Variants in TTBK1 observed in about 807,000 individuals in gnomAD.
TTBK1 encodes the protein tau-tubulin kinase 1.
Under a neutral mutation model 108.5 loss-of-function variants are expected in TTBK1, and 34 were observed. The ratio of observed to expected loss-of-function variants is 0.31; its 90% CI spans 0.24 to 0.42. TTBK1 has a LOEUF of 0.42. TTBK1 is among the 10% of genes least tolerant of loss of function. TTBK1 has a pLI of 1.00. For synonymous variants in TTBK1, 809 were observed against 795.1 expected, an observed-to-expected ratio of 1.02 and a Z score of -0.29; for missense variants, 1,539 against 1,826.0, an observed-to-expected ratio of 0.84 and a Z score of 2.86.
In TTBK1 at chr6:43,284,259, C is replaced by A; in HGVS notation, c.3519C>A (p.Pro1173=). 1.3e-6 allele frequency: 2 copies of A among 1,593,574 alleles called. No individual in the cohort carries two copies. Among genetic ancestry groups the A allele is most frequent in the Non-Finnish European group, 1.7e-6 (2 of 1,175,988 alleles). ...CCATGCCTGTTGCAGCCCAGCAGCC[C>A]GCCAGCAGATCCCATGGCGCGGCCC... ...RMPMPVAAQQ[P]ASRSHGAAPA... is the part of the protein sequence containing the mutation. Residue 1173 remains proline (P), a synonymous_variant, in exon 14 of 15, where the codon CCC becomes CCA. Transcript: ENST00000259750.
Position 43,263,241 on chromosome 6 carries a change from G to T in TTBK1, c.1877G>T (p.Arg626Leu). ...LPPQLSQGDGRSETSQPPTPG... is the reference protein window; with the variant it reads ...LPPQLSQGDGLSETSQPPTPG... ...CCCCAGCTGAGCCAGGGCGATGGCC[G>T]TTCCGAGACGTCACAGCCCCCCACG... is the stretch of plus-strand genomic sequence containing the variant. Residue 626 changes from arginine to leucine, a missense_variant, in exon 13 of 15, where the codon CGT (arginine) becomes CTT (leucine). This residue lies in a region of TTBK1 where 1,055 missense variants were observed against 1,086.5 expected (regional missense o/e 0.97). Coordinates refer to ENST00000259750, the MANE Select transcript of TTBK1 (RefSeq NM_032538.3). The surrounding 1 kb of genome is among the most constrained non-coding windows in gnomAD (Gnocchi z 4.7). The T allele has an allele frequency of 6.4e-7, 1 of 1,562,628 alleles. No homozygotes were observed.
intron 12 of TTBK1, among the ~76,000 whole-genome samples, chr6:43,262,051 C>G (rs1427103587): frequency 6.6e-6 from 1 of 152,074 alleles, no homozygotes; most frequent in Non-Finnish European, 1.5e-5. Flanking sequence ...CTGTATCAGA[C>G]AGCAAAGGGT....
chr6:43,254,662 T>C lies in TTBK1; in HGVS notation c.576+11T>C. On this transcript the variant is annotated intron_variant, in intron 6 of 14. Coordinates refer to ENST00000259750, the MANE Select transcript of TTBK1 (RefSeq NM_032538.3). ...GGGGATGTGCGGCCCGTGAGTACCG[T>C]CGGGGCGGGGAGGACAGTGGAGGAC... The C allele has an allele frequency of 6.4e-7, 1 of 1,552,256 alleles. No individual in the cohort carries two copies. The highest frequency in any genetic ancestry group is 8.7e-7 in the Non-Finnish European group (1 of 1,152,208).
chr6:43,269,975 G>A lies in TTBK1; in HGVS notation c.1986+6625G>A. The A allele has an allele frequency of 7.0e-7, 1 of 1,431,966 alleles. No homozygotes were observed. Among genetic ancestry groups the A allele is most frequent in the South Asian group, 1.5e-5 (1 of 67,664 alleles). The allele number at this position is 1,431,966 out of a possible 1,614,324, so 88.7% of individuals were successfully genotyped here. On this transcript the variant is annotated intron_variant, in intron 13 of 14. Coordinates refer to ENST00000259750, the MANE Select transcript of TTBK1 (RefSeq NM_032538.3). This position sits in a 1 kb window ranked among gnomAD's most constrained non-coding sequence, Gnocchi z 4.8. ...AGGCTGGGCCCCCCCCCTCCTGGAG[G>A]GGGCAGGTGGGGGGGGGTGGGGAGC...
chr6:43,266,950 C>T (rs1777693059), intron 13 of TTBK1, among the ~76,000 whole-genome samples: 2 of 147,188 alleles, frequency 1.4e-5, no homozygotes, highest in Non-Finnish European at 3.0e-5. Flanking sequence ...ACATACAGGC[C>T]AGAGAGAGCA....
In TTBK1 at chr6:43,282,993, AGAAGAGGAGGAAGAG is replaced by A. The variant is rs747761682; in HGVS notation, c.2265_2279del (p.Glu767_Glu771del). 2.6e-5 allele frequency: 42 copies of A among 1,602,468 alleles called. 2 individuals carry two copies. The South Asian group carries it at 4.7e-4, about 18-fold the overall frequency. The stretch of plus-strand genomic sequence containing the variant: ...AAGAGGAAGAAGAGGATGAGGAAGA[AGAAGAGGAGGAAGAG>A]GAAGAGGAGGAGGAAGAAGAGGAGG... On this transcript the variant is annotated inframe_deletion, in exon 14 of 15. Coordinates refer to ENST00000259750, the MANE Select transcript of TTBK1 (RefSeq NM_032538.3). This position sits in a 1 kb window ranked among gnomAD's most constrained non-coding sequence, Gnocchi z 5.4.
At chr6:43,255,188 A>AGGGGGGGGGGGGGGGG in intron 7 of TTBK1, 74 bp downstream of exon 7, 1 of 246,826 alleles carries the variant, frequency 4.1e-6, no homozygotes. Context: ...GCTGCTGGGG[A>AGGGGGGGGGGGGGGGG]GGGGTGGGGA....
In TTBK1 at chr6:43,282,246, G is replaced by A. The variant is rs140045826; in HGVS notation, c.1987-481G>A. Among the ~76,000 whole-genome samples the A allele has an allele frequency of 2.2e-3, 336 of 152,310 alleles. 1 individual carries two copies. Among genetic ancestry groups the A allele is most frequent in the African/African-American group, 7.7e-3 (319 of 41,556 alleles). The stretch of plus-strand genomic sequence containing the variant: ...ACTGAGGGCATCTAGGAGCCAGCCC[G>A]GCACAGCCCATCCAGGAAGTGGCAC... On this transcript the variant is annotated intron_variant, in intron 13 of 14. Transcript: ENST00000259750. This position sits in a 1 kb window ranked among gnomAD's most constrained non-coding sequence, Gnocchi z 5.4.
Position 43,255,783 on chromosome 6 carries a change from A to G in TTBK1, c.788A>G (p.His263Arg). Residue 263 changes from histidine to arginine, a missense_variant, in exon 9 of 15, where the codon CAC becomes CGC. His to Arg is a conservative substitution (Grantham distance 29). Transcript: ENST00000259750. ...TATGAGCACCGGATGCTGCTGAAGC[A>G]CATGCCGTCAGAGTTCCACCTCTTC... is the stretch of plus-strand genomic sequence containing the variant. The part of the protein sequence containing the change: ...EKYEHRMLLK[H>R]MPSEFHLFLD... 6.2e-7 allele frequency: 1 copy of G among 1,614,142 alleles called. No individual in the cohort carries two copies. The highest frequency in any genetic ancestry group is 8.5e-7 in the Non-Finnish European group (1 of 1,180,018).
In TTBK1 at chr6:43,273,243, G is replaced by A. The variant is rs895491546; in HGVS notation, c.1987-9484G>A. Reference sequence around the variant, plus strand: ...TGTGAAACATCTTGGTCTATGTATTGGTTGATTGATTGTCCTTTGCGGTGG... The same window carrying A: ...TGTGAAACATCTTGGTCTATGTATTAGTTGATTGATTGTCCTTTGCGGTGG... On this transcript the variant is annotated intron_variant, in intron 13 of 14. Transcript: ENST00000259750. This position sits in a 1 kb window ranked among gnomAD's most constrained non-coding sequence, Gnocchi z 4.2. Among the ~76,000 whole-genome samples, 1 of 152,184 alleles carries A rather than the reference G, an allele frequency of 6.6e-6. No individual in the cohort carries two copies. The highest frequency in any genetic ancestry group is 1.5e-5 in the Non-Finnish European group (1 of 68,032).
chr6:43,245,889 G>A (rs1777072633), intron 1 of TTBK1, among the ~76,000 whole-genome samples: 1 of 152,034 alleles, frequency 6.6e-6, no homozygotes, highest in Admixed American at 6.5e-5. Flanking sequence ...TGTCCCTCTG[G>A]AGTGGCCACA....
intron 13 of TTBK1, chr6:43,272,123 C>G (rs1482395109): frequency 1.0e-6 from 1 of 985,370 alleles, no homozygotes; most frequent in Non-Finnish European, 1.2e-6. Flanking sequence ...CCCATCCACC[C>G]CAGGTAGTGG....
At chr6:43,254,680 TGGA>T in intron 6 of TTBK1, 29 bp downstream of exon 6, 1 of 1,507,754 alleles carries the variant, frequency 6.6e-7, no homozygotes, top group Non-Finnish European at 8.9e-7. Flanking sequence ...GGGAGGACAG[TGGA>T]GGACTCCCCC....
At position 43,253,676 on chromosome 6, in the gene TTBK1, T is replaced by G; in HGVS notation, c.439T>G (p.Ser147Ala). Residue 147 changes from serine (S) to alanine (A), a missense_variant, in exon 5 of 15, where the codon TCT becomes GCT. Physicochemically the swap from Ser to Ala is moderately conservative, Grantham distance 99. Coordinates refer to ENST00000259750, the MANE Select transcript of TTBK1 (RefSeq NM_032538.3). The surrounding 1 kb of genome is among the most constrained non-coding windows in gnomAD (Gnocchi z 5.8). Reference protein sequence around the residue: ...QILESIEAIHSVGFLHRDIKP... With the variant: ...QILESIEAIHAVGFLHRDIKP... ...CTTGGAGTCCATCGAGGCCATCCAC[T>G]CTGTGGGCTTCCTGCACCGTGACAT... 6.2e-7 allele frequency: 1 copy of G among 1,613,482 alleles called. No individual in the cohort carries two copies. Among genetic ancestry groups the G allele is most frequent in the Non-Finnish European group, 8.5e-7 (1 of 1,179,788 alleles).
At chr6:43,275,322 C>G (rs1777944273) in intron 13 of TTBK1, among the ~76,000 whole-genome samples, 1 of 152,022 alleles carries the variant, frequency 6.6e-6, no homozygotes, top group South Asian at 2.1e-4. Context: ...CCGCCCCACC[C>G]CGCCGCCGAG....
chr6:43,269,698 G>C lies in TTBK1; in HGVS notation c.1986+6348G>C. The C allele has an allele frequency of 6.2e-7, 1 of 1,610,912 alleles. No homozygotes were observed. The highest frequency in any genetic ancestry group is 8.5e-7 in the Non-Finnish European group (1 of 1,179,628). On this transcript the variant is annotated intron_variant, in intron 13 of 14. Coordinates refer to ENST00000259750, the MANE Select transcript of TTBK1 (RefSeq NM_032538.3). The surrounding 1 kb of genome is among the most constrained non-coding windows in gnomAD (Gnocchi z 4.8). The stretch of plus-strand genomic sequence containing the variant: ...CTCCCGCGGTACAGCCCCCTGCGAC[G>C]ACTGGCGTCCTCCGTGTTCTCCTCC...
Position 43,285,143 on chromosome 6 carries a change from G to T in TTBK1, c.3733G>T (p.Ala1245Ser). ...CGCGTCCACATCCGCCGCGCGCAATGCCAGCGCGTCCCCCCGGAGCCAGTC... is the reference window on the plus strand; with the variant it reads ...CGCGTCCACATCCGCCGCGCGCAATTCCAGCGCGTCCCCCCGGAGCCAGTC... ...LPASTSAARN[A>S]SASPRSQSLS... The change falls in exon 15 of 15, where the codon GCC (alanine) becomes TCC (serine). Residue 1245 changes from alanine to serine, a missense_variant. Coordinates refer to ENST00000259750, the MANE Select transcript of TTBK1 (RefSeq NM_032538.3). This position sits in a 1 kb window ranked among gnomAD's most constrained non-coding sequence, Gnocchi z 4.7. 1 of 1,435,010 alleles carries T rather than the reference G, an allele frequency of 7.0e-7. No individual in the cohort carries two copies. Among genetic ancestry groups the T allele is most frequent in the Non-Finnish European group, 9.1e-7 (1 of 1,101,984 alleles). The allele number at this position is 1,435,010 out of a possible 1,614,324, so 88.9% of individuals were successfully genotyped here.
At position 43,282,988 on chromosome 6, in the gene TTBK1, G is replaced by A; in HGVS notation, c.2248G>A (p.Glu750Lys). 1 of 1,049,948 alleles carries A rather than the reference G, an allele frequency of 9.5e-7. No homozygotes were observed. The highest frequency in any genetic ancestry group is 1.3e-6 in the Non-Finnish European group (1 of 773,984). 65.0% of individuals were successfully genotyped at this position (1,049,948 alleles called of 1,614,324 possible). The change falls in exon 14 of 15, where the codon GAA (glutamate) becomes AAA (lysine). Residue 750 changes from glutamate (E) to lysine (K), a missense_variant. By Grantham distance (56) the Glu-to-Lys change is moderately conservative. Coordinates refer to ENST00000259750, the MANE Select transcript of TTBK1 (RefSeq NM_032538.3). This position sits in a 1 kb window ranked among gnomAD's most constrained non-coding sequence, Gnocchi z 5.4. ...EDEEEEEEDE[E>K]EEEEEEEEEE... ...TGAGGAAGAGGAAGAAGAGGATGAG[G>A]AAGAAGAAGAGGAGGAAGAGGAAGA...
At position 43,282,613 on chromosome 6, in the gene TTBK1, A is replaced by T. The variant is rs1174451842; in HGVS notation, c.1987-114A>T. The T allele has an allele frequency of 2.1e-5, 18 of 845,722 alleles. No individual in the cohort carries two copies. Among genetic ancestry groups the T allele is most frequent in the African/African-American group, 8.5e-5 (5 of 58,728 alleles). The allele number at this position is 845,722 out of a possible 1,614,324, so 52.4% of individuals were successfully genotyped here. ...CTGTGCTTAACTTTATGGAGCTCACACTCTGGTAGACGACCTGGGCCTGTG... is the reference window on the plus strand; with the variant it reads ...CTGTGCTTAACTTTATGGAGCTCACTCTCTGGTAGACGACCTGGGCCTGTG... On this transcript the variant is annotated intron_variant, in intron 13 of 14. Coordinates refer to ENST00000259750, the MANE Select transcript of TTBK1 (RefSeq NM_032538.3). This position sits in a 1 kb window ranked among gnomAD's most constrained non-coding sequence, Gnocchi z 5.4.
Sources: gnomAD v4.1 joint callset for allele counts (sites outside exome capture counted in the v4.1 genomes callset) on GRCh38, gnomAD v4.1.1 for gene constraint, gnomAD v4.1.1 regional missense constraint, Gnocchi (gnomAD v3.1) non-coding constraint, MANE v1.5 for transcripts, NCBI Gene and HGNC (gene_info 2026-07-23, HGNC 2026-07-21) for gene names.